Variants in DLGAP2 observed in about 807,000 individuals in gnomAD.
DLGAP2 encodes DLG associated protein 2.
In DLGAP2, 26 loss-of-function variants were observed where a neutral mutation model predicts 100.3. The observed-to-expected ratio is 0.26, with a 90% CI of 0.19 to 0.36. The LOEUF is 0.36. DLGAP2 is among the 10% of genes least tolerant of loss of function. The probability of loss-of-function intolerance (pLI) is 1.00; values close to 1 mark genes in which losing one functional copy is unlikely to be tolerated. For synonymous variants in DLGAP2, 886 were observed against 630.1 expected, an observed-to-expected ratio of 1.41 and a Z score of -6.08; for missense variants, 1,858 against 1,453.2, an observed-to-expected ratio of 1.28 and a Z score of -4.53.
At chr8:780,507 C>G (rs532852148) in intron 1 of DLGAP2, among the ~76,000 whole-genome samples, 1 of 152,292 alleles carries the variant, frequency 6.6e-6, no homozygotes, top group Non-Finnish European at 1.5e-5. Context: ...ATTGCTGGGT[C>G]TTGTGCTAGC....
rs532436162 is a variant in DLGAP2, at chr8:1,049,278, T to C, written c.73+141312T>C. ...AAATGTATAATAAAATGGCGAGTTT[T>C]ATGCAAATATCAATGTTAGGATGGA... On this transcript the variant is annotated intron_variant, in intron 2 of 14. Transcript: ENST00000637795. Among the ~76,000 whole-genome samples the C allele has an allele frequency of 6.6e-5, 10 of 152,246 alleles. No individual in the cohort carries two copies. In the South Asian group the frequency reaches 2.1e-3, roughly 32 times the overall value.
chr8:1,355,502 T>C (rs1801827240), intron 3 of DLGAP2, among the ~76,000 whole-genome samples: 2 of 151,992 alleles, frequency 1.3e-5, no homozygotes, highest in African/African-American at 4.8e-5. Context: ...GTAGCTGGGA[T>C]TACAGGTGTG....
At chr8:1,673,566 G>C (rs558729103) in intron 10 of DLGAP2, among the ~76,000 whole-genome samples, 1 of 152,324 alleles carries the variant, frequency 6.6e-6, no homozygotes, top group South Asian at 2.1e-4. Context: ...TGCCTTTAAT[G>C]TAATATACAT....
chr8:753,489 G>T (rs1447432573), intron 1 of DLGAP2: 2 of 152,254 alleles, frequency 1.3e-5, no homozygotes, highest in Non-Finnish European at 2.9e-5. Flanking sequence ...TGTGAGATGG[G>T]AGGTGCCGCT....
At chr8:1,557,811 C>G (rs928573033) in intron 5 of DLGAP2, among the ~76,000 whole-genome samples, 2 of 152,188 alleles carry the variant, frequency 1.3e-5, no homozygotes, top group Admixed American at 1.3e-4. Flanking sequence ...AGGAGGATAC[C>G]AGGCAGACAG....
chr8:1,586,815 C>T (rs1203162684), intron 6 of DLGAP2, among the ~76,000 whole-genome samples: 2 of 152,186 alleles, frequency 1.3e-5, no homozygotes, highest in African/African-American at 2.4e-5. Flanking sequence ...TGCGAATGCT[C>T]AACCACCAGT....
intron 3 of DLGAP2, among the ~76,000 whole-genome samples, chr8:1,483,647 G>A (rs866532571): frequency 6.7e-6 from 1 of 149,856 alleles, no homozygotes; most frequent in Middle Eastern, 3.4e-3. Context: ...AGCAGGACCT[G>A]AGGGCGTCTA....
At chr8:1,378,170 C>G (rs1796003202) in intron 3 of DLGAP2, 1 of 171,764 alleles carries the variant, frequency 5.8e-6, no homozygotes, top group Non-Finnish European at 1.3e-5. Flanking sequence ...GTCCTGCGCA[C>G]ACCTGACCTC....
intron 3 of DLGAP2, among the ~76,000 whole-genome samples, chr8:1,293,379 G>A (rs1800103152): frequency 6.6e-6 from 1 of 150,572 alleles, no homozygotes; most frequent in South Asian, 2.1e-4. Flanking sequence ...GCTCCCGGAC[G>A]GCTGAGCCAT....
chr8:1,111,562 C>A (rs766361966), intron 2 of DLGAP2, among the ~76,000 whole-genome samples: 2 of 152,132 alleles, frequency 1.3e-5, no homozygotes, highest in East Asian at 3.9e-4. Flanking sequence ...CTCCCATATG[C>A]CACCCTCCGA....
At chr8:1,527,115 A>G (rs540380092) in intron 4 of DLGAP2, among the ~76,000 whole-genome samples, 3 of 152,176 alleles carry the variant, frequency 2.0e-5, no homozygotes, top group Non-Finnish European at 4.4e-5. Flanking sequence ...CACATCGTCT[A>G]CACCGCGGGC....
At chr8:740,506 CTTAT>C (rs1820455592) in intron 1 of DLGAP2, 1 of 152,206 alleles carries the variant, frequency 6.6e-6, no homozygotes, top group African/African-American at 2.4e-5. Context: ...TATTGCTTCT[CTTAT>C]TTGTGTCTAC....
At position 912,732 on chromosome 8, in the gene DLGAP2, G is replaced by A. The variant is rs372972548; in HGVS notation, c.73+4766G>A. 8.6e-5 allele frequency among the ~76,000 whole-genome samples: 12 copies of A among 139,938 alleles called. No homozygotes were observed. The East Asian group carries it at 1.7e-3, about 20-fold the overall frequency. 91.8% of individuals were successfully genotyped at this position (139,938 alleles called of 152,430 possible). A position where few individuals can be genotyped will look rare whatever the true frequency, so the allele number is the denominator to read the frequency against. ...TCCTCTCTGTGGAGCTGACCCCTGC[G>A]CTATGGTGCCCACGTTCCTCTCTGT... On this transcript the variant is annotated intron_variant, in intron 2 of 14. Coordinates refer to ENST00000637795, the MANE Select transcript of DLGAP2 (RefSeq NM_001346810.2).
intron 1 of DLGAP2, among the ~76,000 whole-genome samples, chr8:863,482 A>G (rs1797431442): frequency 6.6e-6 from 1 of 152,184 alleles, no homozygotes; most frequent in Non-Finnish European, 1.5e-5. Context: ...TGGTGCGCAC[A>G]CCACTTGGAA....
chr8:925,351 G>A (rs1393679967), intron 2 of DLGAP2, among the ~76,000 whole-genome samples: 1 of 152,000 alleles, frequency 6.6e-6, no homozygotes, highest in Non-Finnish European at 1.5e-5. Flanking sequence ...TGAATTCTAG[G>A]GCTTAAGCGA....
At chr8:1,423,495 A>G (rs1368190607) in intron 3 of DLGAP2, among the ~76,000 whole-genome samples, 1 of 152,192 alleles carries the variant, frequency 6.6e-6, no homozygotes, top group Admixed American at 6.5e-5. Context: ...CACTTCTGGC[A>G]CCAGCTTGTC....
chr8:1,165,016 T>C (rs982802201), intron 2 of DLGAP2, among the ~76,000 whole-genome samples: 1 of 151,902 alleles, frequency 6.6e-6, no homozygotes, highest in Non-Finnish European at 1.5e-5. Context: ...AGTTCAGGGA[T>C]GGGGTTGGGT....
At position 1,647,488 on chromosome 8, in the gene DLGAP2, C is replaced by CAAAAAAAAAAA. The variant is rs567451595; in HGVS notation, c.1810+14470_1810+14480dup. 2.4e-4 allele frequency among the ~76,000 whole-genome samples: 11 copies of CAAAAAAAAAAA among 44,978 alleles called. 3 individuals carry two copies. Among genetic ancestry groups the CAAAAAAAAAAA allele is most frequent in the Non-Finnish European group, 5.8e-4 (10 of 17,210 alleles). The allele number at this position is 44,978 out of a possible 152,430, so 29.5% of individuals were successfully genotyped here. On this transcript the variant is annotated intron_variant, in intron 8 of 14. Transcript: ENST00000637795. ...TGGGAGACAGAGAGAGACTCTGTCT[C>CAAAAAAAAAAA]AAAAAAAAAAAAAAAAAAAAAAAAA...
intron 2 of DLGAP2, among the ~76,000 whole-genome samples, chr8:1,134,906 C>G (rs183105174): frequency 6.6e-6 from 1 of 152,192 alleles, no homozygotes; most frequent in Non-Finnish European, 1.5e-5. Context: ...CCCGCCAGGT[C>G]TCTCCCTAAA....
Sources: allele counts gnomAD v4.1 joint callset (sites outside exome capture counted in the v4.1 genomes callset), GRCh38; gene constraint gnomAD v4.1.1; transcripts MANE v1.5; gene names NCBI Gene and HGNC (gene_info 2026-07-23, HGNC 2026-07-21).